The following CSGALNACT1 variants were observed in gnomAD, a reference collection of about 807,000 sequenced individuals.
CSGALNACT1 encodes the protein chondroitin sulfate N-acetylgalactosaminyltransferase 1, also known as beta4GalNAcT-1.
CSGALNACT1 carries 52 observed loss-of-function variants against 51.0 expected under a neutral mutation model. The observed-to-expected ratio is 1.02, with a 90% CI of 0.82 to 1.29. The LOEUF (loss-of-function observed/expected upper bound fraction) is 1.29, where lower values mean the gene tolerates loss of function less well. Ranked by LOEUF, CSGALNACT1 falls within the 50% of genes most tolerant of loss-of-function variation. The pLI, the probability that CSGALNACT1 is intolerant of heterozygous loss-of-function variation, is 0.00. For missense variants in CSGALNACT1, 935 were observed against 679.2 expected (o/e 1.38, Z -4.19); for synonymous variants, 341 against 254.4 (o/e 1.34, Z -3.24).
At chr8:19,424,246 G>A (rs924729722) in intron 6 of CSGALNACT1, among the ~76,000 whole-genome samples, 6 of 152,180 alleles carry the variant, frequency 3.9e-5, no homozygotes, top group Admixed American at 3.3e-4. Context: ...AGACACTGGA[G>A]AAGGCCCAGA....
At chr8:19,416,908 G>A (rs374241172) in intron 8 of CSGALNACT1, among the ~76,000 whole-genome samples, 1 of 151,962 alleles carries the variant, frequency 6.6e-6, no homozygotes, top group African/African-American at 2.4e-5. Context: ...CATCACCCAG[G>A]ATGGAGTGCA....
At chr8:19,697,523 G>A (rs148970942) in intron 1 of CSGALNACT1, among the ~76,000 whole-genome samples, 62 of 152,200 alleles carry the variant, frequency 4.1e-4, no homozygotes, top group African/African-American at 1.3e-3. Flanking sequence ...TCTCAGGGCC[G>A]GGCAGAGCTA....
chr8:19,666,813 G>GAA (rs1564383282), intron 1 of CSGALNACT1, among the ~76,000 whole-genome samples: 242 of 23,892 alleles, frequency 0.01, 7 homozygotes, highest in East Asian at 0.012. Context: ...GAAAGAAAGA[G>GAA]AGAGAGAGAG....
chr8:19,614,425 TC>T (rs1472778483), intron 1 of CSGALNACT1, among the ~76,000 whole-genome samples: 17 of 152,198 alleles, frequency 1.1e-4, no homozygotes, highest in African/African-American at 4.1e-4. Context: ...TTTCTGTTCT[TC>T]TTTTTGGTGG....
At chr8:19,520,755 C>T (rs1246324340) in intron 3 of CSGALNACT1, among the ~76,000 whole-genome samples, 1 of 152,194 alleles carries the variant, frequency 6.6e-6, no homozygotes, top group Non-Finnish European at 1.5e-5. Context: ...TAACCCCATG[C>T]TATCTCCATC....
rs138822605 is a variant in CSGALNACT1, at chr8:19,498,439, T to C, written c.634+6762A>G. Among the ~76,000 whole-genome samples the C allele has an allele frequency of 3.8e-3, 576 of 152,340 alleles. 6 individuals are homozygous for C. Among genetic ancestry groups the C allele is most frequent in the African/African-American group, 0.013 (543 of 41,578 alleles). On this transcript the variant is annotated intron_variant, in intron 4 of 9. Coordinates refer to ENST00000454498, the Ensembl canonical transcript of CSGALNACT1. ...ATGGGAGAGGCTGAGCAGCACTGCC[T>C]GCCATACTAATGGGGAGGCACCATT...
chr8:19,439,960 C>T (rs764345005), intron 5 of CSGALNACT1, 29 bp from the exon 5 acceptor site: 1 of 1,557,458 alleles, frequency 6.4e-7, no homozygotes, highest in Non-Finnish European at 8.9e-7. Flanking sequence ...GCATGTCTGG[C>T]ACCTGTTTTC....
intron 1 of CSGALNACT1, among the ~76,000 whole-genome samples, chr8:19,653,797 TAA>T (rs111466105): frequency 4.1e-5 from 6 of 147,894 alleles, no homozygotes; most frequent in African/African-American, 1.2e-4. Context: ...TACCTTGTCT[TAA>T]AAAAAAAAAA....
chr8:19,442,744 A>C (rs548670515), intron 5 of CSGALNACT1, among the ~76,000 whole-genome samples: 2 of 151,670 alleles, frequency 1.3e-5, no homozygotes, highest in East Asian at 3.9e-4. Flanking sequence ...ATGAAGTACG[A>C]AAGATGAGAA....
chr8:19,505,495 C>T, exon 4 of CSGALNACT1: 1 of 1,614,118 alleles, frequency 6.2e-7, no homozygotes, highest in Non-Finnish European at 8.5e-7. Flanking sequence ...TGGGTTTTCT[C>T]TGGGGGGCTC....
chr8:19,730,362 G>C lies in CSGALNACT1; in HGVS notation c.-297+27488C>G, dbSNP rs186078007. On this transcript the variant is annotated intron_variant, in intron 1 of 1. Coordinates refer to the CSGALNACT1 transcript ENST00000517494. Reference sequence around the variant, plus strand: ...GAAAATGCGGCCACTAACAGAATTTGCACACTGCAGGACTCCTAGTCAAGC... The same window carrying C: ...GAAAATGCGGCCACTAACAGAATTTCCACACTGCAGGACTCCTAGTCAAGC... Among the ~76,000 whole-genome samples the C allele has an allele frequency of 8.1e-4, 123 of 152,238 alleles. 1 individual carries two copies. The highest frequency in any genetic ancestry group is 2.9e-3 in the African/African-American group (119 of 41,518).
chr8:19,639,258 G>C (rs890188402), intron 1 of CSGALNACT1, among the ~76,000 whole-genome samples: 1 of 152,220 alleles, frequency 6.6e-6, no homozygotes, highest in Non-Finnish European at 1.5e-5. Flanking sequence ...GAAAGGCACA[G>C]CATGCTTGCC....
At chr8:19,691,173 C>T (rs540921979) in intron 1 of CSGALNACT1, among the ~76,000 whole-genome samples, 2 of 152,166 alleles carry the variant, frequency 1.3e-5, no homozygotes, top group Non-Finnish European at 2.9e-5. Context: ...AGGCCACGCC[C>T]GAAGGAGAAA....
At chr8:19,539,096 A>G (rs2084459312) in intron 3 of CSGALNACT1, among the ~76,000 whole-genome samples, 1 of 152,226 alleles carries the variant, frequency 6.6e-6, no homozygotes, top group African/African-American at 2.4e-5. Flanking sequence ...TTTAACATGT[A>G]CAGCTTGATG....
intron 1 of CSGALNACT1, among the ~76,000 whole-genome samples, chr8:19,695,278 C>T (rs975493606): frequency 2.0e-5 from 3 of 152,090 alleles, no homozygotes; most frequent in Admixed American, 6.6e-5. Flanking sequence ...AAAACGTGGA[C>T]GTTTCTTAGG....
chr8:19,520,118 C>A (rs1009438458), intron 3 of CSGALNACT1, among the ~76,000 whole-genome samples: 2 of 152,224 alleles, frequency 1.3e-5, no homozygotes, highest in Non-Finnish European at 2.9e-5. Context: ...CCTCTTCCTT[C>A]CCCACCTACA....
chr8:19,612,946 G>GAAAAAAAAAAAAAAAAAAAAAA lies in CSGALNACT1; in HGVS notation c.-543-11103_-543-11082dup, dbSNP rs1165754811. On this transcript the variant is annotated intron_variant, in intron 1 of 9. Transcript: ENST00000332246. ...CAAAAGAAGAGAGGAAAAGCAGCTG[G>GAAAAAAAAAAAAAAAAAAAAAA]AAAAAAAAAAAAAAAAAAAAAAAAA... Among the ~76,000 whole-genome samples, 18 of 15,446 alleles carry GAAAAAAAAAAAAAAAAAAAAAA rather than the reference G, an allele frequency of 1.2e-3. 4 individuals are homozygous for GAAAAAAAAAAAAAAAAAAAAAA. The highest frequency in any genetic ancestry group is 1.5e-3 in the African/African-American group (11 of 7,162). The allele number at this position is 15,446 out of a possible 152,430, so 10.1% of individuals were successfully genotyped here.
At position 19,408,977 on chromosome 8, in the gene CSGALNACT1, C is replaced by CACACACACACACACACACACACACACAA. The variant is rs1319492249; in HGVS notation, c.1228-284_1228-283insTTGTGTGTGTGTGTGTGTGTGTGTGTGT. Among the ~76,000 whole-genome samples, 23 of 151,788 alleles carry CACACACACACACACACACACACACACAA rather than the reference C, an allele frequency of 1.5e-4. No homozygotes were observed. The East Asian group carries it at 3.7e-3, about 24-fold the overall frequency. On this transcript the variant is annotated intron_variant, in intron 8 of 9. Coordinates refer to ENST00000454498, the Ensembl canonical transcript of CSGALNACT1. ...ACACACACACACACACACACACACA[C>CACACACACACACACACACACACACACAA]AATCAAAAACAAAAACCGGGAGAGC...
At chr8:19,559,309 G>C (rs2040179970) in intron 3 of CSGALNACT1, among the ~76,000 whole-genome samples, 1 of 152,134 alleles carries the variant, frequency 6.6e-6, no homozygotes, top group Admixed American at 6.5e-5. Context: ...TCTTAGAGAA[G>C]TAAGAAGAGA....
Sources: gnomAD v4.1 joint callset for allele counts (sites outside exome capture counted in the v4.1 genomes callset) on GRCh38, gnomAD v4.1.1 for gene constraint, MANE v1.5 for transcripts, NCBI Gene and HGNC (gene_info 2026-07-23, HGNC 2026-07-21) for gene names.